SHANK2: variants seen among roughly 807,000 people sequenced by gnomAD.
SHANK2 encodes SH3 and multiple ankyrin repeat domains 2, also known as SH3 and multiple ankyrin repeat domains protein 2.
A neutral mutation model predicts 133.7 loss-of-function variants in SHANK2; 43 were observed. That is an observed-to-expected ratio of 0.32 (90% CI 0.25 to 0.41). SHANK2 has a LOEUF of 0.41. SHANK2 is among the 10% of genes least tolerant of loss of function. SHANK2 has a pLI of 1.00. For synonymous variants in SHANK2, 1,017 were observed against 952.8 expected (o/e 1.07, Z -1.24); for missense variants, 1,994 against 2,235.8 (o/e 0.89, Z 2.18).
chr11:70,834,827 G>A (rs1555059581), intron 11 of SHANK2, among the ~76,000 whole-genome samples: 1 of 152,154 alleles, frequency 6.6e-6, no homozygotes, highest in Non-Finnish European at 1.5e-5. Flanking sequence ...GGAGGCCCGT[G>A]GAAAATCGGG....
At chr11:70,797,823 C>A (rs1555049478) in intron 14 of SHANK2, among the ~76,000 whole-genome samples, 3 of 118,032 alleles carry the variant, frequency 2.5e-5, no homozygotes, top group Non-Finnish European at 3.4e-5. Context: ...CACTTTTCCT[C>A]CACTCTCATA....
intron 15 of SHANK2, among the ~76,000 whole-genome samples, chr11:70,683,010 G>A (rs113513027): frequency 0.066 from 10,058 of 152,200 alleles, 381 homozygotes; most frequent in Middle Eastern, 0.11. Context: ...CGAGAGGGTT[G>A]GTGTGACCGC....
intron 2 of SHANK2, among the ~76,000 whole-genome samples, chr11:71,199,021 C>T (rs1158953423): frequency 6.6e-6 from 1 of 152,148 alleles, no homozygotes; most frequent in Admixed American, 6.5e-5. Flanking sequence ...GGGGCGGAGG[C>T]GTATTCAATG....
intron 14 of SHANK2, among the ~76,000 whole-genome samples, chr11:70,706,248 T>C (rs1372262555): frequency 2.0e-5 from 3 of 152,234 alleles, no homozygotes; most frequent in African/African-American, 7.2e-5. Flanking sequence ...CCAGCTCACA[T>C]TTCACTGCAA....
intron 11 of SHANK2, among the ~76,000 whole-genome samples, chr11:70,852,600 T>C (rs139748545): frequency 0.011 from 1,638 of 152,302 alleles, 8 homozygotes; most frequent in Non-Finnish European, 0.016. Context: ...ATCCCAGCAC[T>C]TTGGGAGGCC....
chr11:71,115,716 C>T (rs1951965935), intron 4 of SHANK2, among the ~76,000 whole-genome samples: 1 of 152,146 alleles, frequency 6.6e-6, no homozygotes, highest in Non-Finnish European at 1.5e-5. Context: ...TGCACAGCTG[C>T]AGGTACTGGG....
At chr11:70,546,770 C>T (rs1261335128) in intron 17 of SHANK2, among the ~76,000 whole-genome samples, 1 of 152,316 alleles carries the variant, frequency 6.6e-6, no homozygotes, top group African/African-American at 2.4e-5. Context: ...CATACACCTC[C>T]CTGCTGGCTC....
intron 23 of SHANK2, 167 bp from the exon 24 acceptor site, chr11:70,489,515 C>G: frequency 1.4e-6 from 1 of 729,330 alleles, no homozygotes; most frequent in Non-Finnish European, 2.5e-6. Flanking sequence ...CTCACAAGCA[C>G]GCTGCGCTTT....
chr11:70,899,135 T>G (rs1555076298), intron 10 of SHANK2, among the ~76,000 whole-genome samples: 2 of 152,132 alleles, frequency 1.3e-5, no homozygotes, highest in African/African-American at 4.8e-5. Context: ...GTGAGATGGT[T>G]TGTGTGTGTC....
At chr11:70,525,076 C>T (rs1182001175) in intron 17 of SHANK2, among the ~76,000 whole-genome samples, 6 of 152,250 alleles carry the variant, frequency 3.9e-5, no homozygotes, top group Non-Finnish European at 7.3e-5. Context: ...TGCTGCCAAT[C>T]GGCTTGACAG....
intron 3 of SHANK2, among the ~76,000 whole-genome samples, chr11:71,133,292 G>T (rs562257557): frequency 6.8e-6 from 1 of 146,918 alleles, no homozygotes; most frequent in Non-Finnish European, 1.5e-5. Flanking sequence ...CCGGCCGGAC[G>T]GCTGGCTGGC....
At chr11:70,742,814 C>T (rs1003341733) in intron 14 of SHANK2, among the ~76,000 whole-genome samples, 3 of 152,130 alleles carry the variant, frequency 2.0e-5, no homozygotes, top group African/African-American at 7.2e-5. Context: ...CTGCTGGGGG[C>T]GGGGGCTGGA....
chr11:71,065,286 G>A (rs1411414338), intron 9 of SHANK2, among the ~76,000 whole-genome samples: 1 of 151,918 alleles, frequency 6.6e-6, no homozygotes, highest in African/African-American at 2.4e-5. Context: ...CAGTGAGTGG[G>A]GAAGTTGGTG....
chr11:70,504,834 G>A (rs1380498379), intron 17 of SHANK2, among the ~76,000 whole-genome samples: 1 of 152,128 alleles, frequency 6.6e-6, no homozygotes, highest in Non-Finnish European at 1.5e-5. Flanking sequence ...GACCCTCGCT[G>A]CTCTGGTACA....
At chr11:71,178,676 C>CA (rs141422117) in intron 2 of SHANK2, among the ~76,000 whole-genome samples, 17,269 of 152,194 alleles carry the variant, frequency 0.11, 1,196 homozygotes, top group Non-Finnish European at 0.16. Flanking sequence ...TAACTGGATA[C>CA]AAAAAAGCAT....
At chr11:71,233,939 C>T (rs1032503315) in intron 1 of SHANK2, among the ~76,000 whole-genome samples, 4 of 151,702 alleles carry the variant, frequency 2.6e-5, no homozygotes, top group East Asian at 1.9e-4. Context: ...CCCAGCTTCT[C>T]GGGAGGCTGA....
intron 15 of SHANK2, among the ~76,000 whole-genome samples, chr11:70,673,853 G>A (rs1944859915): frequency 6.6e-6 from 1 of 152,258 alleles, no homozygotes. Flanking sequence ...GCTTCATTAA[G>A]AGACTGGTGT....
At chr11:70,871,489 C>T (rs1949462233) in intron 11 of SHANK2, among the ~76,000 whole-genome samples, 1 of 152,232 alleles carries the variant, frequency 6.6e-6, no homozygotes, top group South Asian at 2.1e-4. Context: ...CCTTCACGTG[C>T]TGAGGCCACA....
chr11:70,871,753 T>G (rs971065659), intron 11 of SHANK2, among the ~76,000 whole-genome samples: 3 of 152,068 alleles, frequency 2.0e-5, no homozygotes, highest in Admixed American at 1.3e-4. Flanking sequence ...TGTGGCCACA[T>G]GGGGGCTGGG....
Sources: allele counts gnomAD v4.1 joint callset (sites outside exome capture counted in the v4.1 genomes callset), GRCh38; gene constraint gnomAD v4.1.1; transcripts MANE v1.5; gene names NCBI Gene and HGNC (gene_info 2026-07-23, HGNC 2026-07-21).